Variants in NEK6 observed in about 807,000 individuals in gnomAD.
NEK6 encodes the protein NIMA related kinase 6.
Under a neutral mutation model 43.5 loss-of-function variants are expected in NEK6, and 27 were observed. The observed-to-expected ratio is 0.62, with a 90% CI of 0.46 to 0.86. The LOEUF is 0.86. NEK6 is among the 40% of genes least tolerant of loss of function. The pLI is 0.00. For missense variants in NEK6, 318 were observed against 414.4 expected (o/e 0.77, Z 2.02); for synonymous variants, 167 against 164.1 (o/e 1.02, Z -0.14).
chr9:124,319,256 T>C (rs1472147643), intron 4 of NEK6, among the ~76,000 whole-genome samples: 1 of 152,104 alleles, frequency 6.6e-6, no homozygotes, highest in African/African-American at 2.4e-5. Context: ...AGTGCTGGGA[T>C]TACAGGCGTG....
intron 5 of NEK6, among the ~76,000 whole-genome samples, chr9:124,322,478 C>T (rs183088958): frequency 2.0e-5 from 3 of 152,338 alleles, no homozygotes; most frequent in East Asian, 1.9e-4. Context: ...ACTGAGTCCC[C>T]GCCGTCCTCA....
At chr9:124,266,036 C>T (rs3814135) in intron 1 of NEK6, among the ~76,000 whole-genome samples, 24,339 of 151,970 alleles carry the variant, frequency 0.16, 2,004 homozygotes, top group Non-Finnish European at 0.17. Flanking sequence ...GGAGAGCTTC[C>T]GGCAGTGAGG....
intron 1 of NEK6, among the ~76,000 whole-genome samples, chr9:124,294,827 A>G (rs1832603331): frequency 6.6e-6 from 1 of 152,168 alleles, no homozygotes; most frequent in Non-Finnish European, 1.5e-5. Context: ...AAACCTTTCC[A>G]TGGTGGGCTG....
At chr9:124,294,870 A>C (rs1215855310) in intron 1 of NEK6, among the ~76,000 whole-genome samples, 1 of 152,176 alleles carries the variant, frequency 6.6e-6, no homozygotes, top group Non-Finnish European at 1.5e-5. Flanking sequence ...TGGAGGCTGA[A>C]GGTAACTGTA....
At chr9:124,341,966 G>A (rs993566966) in intron 8 of NEK6, among the ~76,000 whole-genome samples, 2 of 152,190 alleles carry the variant, frequency 1.3e-5, no homozygotes, top group African/African-American at 4.8e-5. Context: ...CGGGTGTGGA[G>A]AGTTGTTGAG....
chr9:124,257,976 T>C lies in NEK6; in HGVS notation c.-139T>C, dbSNP rs1048373817. The C allele has an allele frequency of 4.2e-3, 4,083 of 978,070 alleles. 10 individuals carry two copies. The highest frequency in any genetic ancestry group is 4.6e-3 in the Non-Finnish European group (3,807 of 827,290). The allele number at this position is 978,070 out of a possible 1,614,324, so 60.6% of individuals were successfully genotyped here. A position where few individuals can be genotyped will look rare whatever the true frequency, so the allele number is the denominator to read the frequency against. Reference sequence around the variant, plus strand: ...GGTGGCGGCGGCGGCGGAACCGAGCTGACGGGCGTGCGGCCGCTGCGCCGC... The same window carrying C: ...GGTGGCGGCGGCGGCGGAACCGAGCCGACGGGCGTGCGGCCGCTGCGCCGC... On this transcript the variant is annotated 5_prime_UTR_variant, in exon 1 of 10. Coordinates refer to ENST00000320246, the MANE Select transcript of NEK6 (RefSeq NM_014397.6).
intron 5 of NEK6, among the ~76,000 whole-genome samples, chr9:124,322,225 G>A (rs1309443064): frequency 6.6e-6 from 1 of 152,166 alleles, no homozygotes; most frequent in Non-Finnish European, 1.5e-5. Context: ...CCATGTTAGG[G>A]CTGACACCCA....
At chr9:124,264,690 C>T (rs1323870751) in intron 1 of NEK6, among the ~76,000 whole-genome samples, 1 of 151,904 alleles carries the variant, frequency 6.6e-6, no homozygotes, top group African/African-American at 2.4e-5. Flanking sequence ...CCTTTAATCC[C>T]AGCTACTCGG....
intron 1 of NEK6, among the ~76,000 whole-genome samples, chr9:124,261,918 G>T (rs1287692452): frequency 6.6e-6 from 1 of 151,876 alleles, no homozygotes; most frequent in African/African-American, 2.4e-5. Flanking sequence ...CCTGTGATTT[G>T]GGGAGGTAAA....
chr9:124,298,410 G>C (rs964741536), intron 1 of NEK6, among the ~76,000 whole-genome samples: 9 of 152,122 alleles, frequency 5.9e-5, no homozygotes, highest in Admixed American at 3.9e-4. Flanking sequence ...GTAATGACTG[G>C]GGTTTGGCAG....
intron 2 of NEK6, among the ~76,000 whole-genome samples, chr9:124,305,173 G>A (rs1230819626): frequency 6.6e-6 from 1 of 152,224 alleles, no homozygotes; most frequent in Non-Finnish European, 1.5e-5. Flanking sequence ...GGTGTGCATT[G>A]CACAGGCCAA....
intron 1 of NEK6, among the ~76,000 whole-genome samples, chr9:124,264,066 C>T (rs906784236): frequency 1.3e-4 from 20 of 152,260 alleles, no homozygotes; most frequent in East Asian, 1.9e-4. Flanking sequence ...AGTGAGCAGC[C>T]GTCTTCCCCT....
At chr9:124,300,749 C>G (rs1209125827) in intron 1 of NEK6, among the ~76,000 whole-genome samples, 1 of 152,136 alleles carries the variant, frequency 6.6e-6, no homozygotes, top group Non-Finnish European at 1.5e-5. Context: ...TGAGACGGGA[C>G]TGGCTTTCAT....
chr9:124,335,336 G>A (rs563146608), intron 7 of NEK6, among the ~76,000 whole-genome samples: 3 of 152,188 alleles, frequency 2.0e-5, no homozygotes, highest in South Asian at 2.1e-4. Flanking sequence ...AACCCCACAC[G>A]GATTCATATG....
intron 4 of NEK6, among the ~76,000 whole-genome samples, chr9:124,320,462 C>T (rs547858433): frequency 4.6e-5 from 7 of 152,210 alleles, no homozygotes; most frequent in Non-Finnish European, 5.9e-5. Flanking sequence ...CAACGACTTC[C>T]GGGCCTTTTG....
chr9:124,310,701 A>G (rs984433683), intron 2 of NEK6, among the ~76,000 whole-genome samples: 1 of 152,070 alleles, frequency 6.6e-6, no homozygotes, highest in Admixed American at 6.5e-5. Context: ...AGGTTCAAGC[A>G]ATTCTCCTGC....
At chr9:124,319,468 C>T (rs1012290707) in intron 4 of NEK6, among the ~76,000 whole-genome samples, 2 of 152,198 alleles carry the variant, frequency 1.3e-5, no homozygotes, top group African/African-American at 4.8e-5. Context: ...TTATGTCCCA[C>T]TTGTCAGTTT....
intron 1 of NEK6, among the ~76,000 whole-genome samples, chr9:124,267,974 G>C (rs1831289808): frequency 6.6e-6 from 1 of 152,230 alleles, no homozygotes; most frequent in South Asian, 2.1e-4. Flanking sequence ...ATCTGTAGAA[G>C]TATTTAGTGC....
chr9:124,311,365 T>C (rs1027848698), intron 2 of NEK6, among the ~76,000 whole-genome samples: 1 of 152,150 alleles, frequency 6.6e-6, no homozygotes. Context: ...GGGCCTCAGT[T>C]TCCTCATCAG....
Sources: gnomAD v4.1 joint callset for allele counts (sites outside exome capture counted in the v4.1 genomes callset) on GRCh38, gnomAD v4.1.1 for gene constraint, MANE v1.5 for transcripts, NCBI Gene and HGNC (gene_info 2026-07-23, HGNC 2026-07-21) for gene names.